The following GOLGA4 variants were observed in gnomAD, a reference collection of about 807,000 sequenced individuals.
The protein encoded by GOLGA4 is golgin subfamily A member 4.
Under a neutral mutation model 265.9 loss-of-function variants are expected in GOLGA4, and 169 were observed. The observed-to-expected ratio is 0.64, with a 90% CI of 0.56 to 0.72. The LOEUF (loss-of-function observed/expected upper bound fraction) is 0.72, where lower values mean the gene tolerates loss of function less well. Ranked by LOEUF, GOLGA4 falls within the 30% of genes least tolerant of loss-of-function variation. GOLGA4 has a pLI of 0.00. For missense variants in GOLGA4, 2,482 were observed against 2,483.4 expected (o/e 1.00, Z 0.01); for synonymous variants, 923 against 855.8 (o/e 1.08, Z -1.37).
intron 4 of GOLGA4, among the ~76,000 whole-genome samples, chr3:37,288,938 A>G (rs1200585541): frequency 6.6e-6 from 1 of 152,232 alleles, no homozygotes; most frequent in African/African-American, 2.4e-5. Flanking sequence ...TTTAAATTGA[A>G]CAGACAGTAA....
At chr3:37,246,577 G>A (rs2096720302) in intron 1 of GOLGA4, among the ~76,000 whole-genome samples, 1 of 152,126 alleles carries the variant, frequency 6.6e-6, no homozygotes, top group South Asian at 2.1e-4. Flanking sequence ...AATTCTTAGA[G>A]ACAAAATAGA....
At chr3:37,304,049 A>G (rs946456495) in intron 10 of GOLGA4, among the ~76,000 whole-genome samples, 1 of 152,224 alleles carries the variant, frequency 6.6e-6, no homozygotes, top group Non-Finnish European at 1.5e-5. Context: ...GCTCTTAACC[A>G]TATAGAGGTC....
At chr3:37,363,781 T>G (rs1296173472) in intron 23 of GOLGA4, among the ~76,000 whole-genome samples, 3 of 152,208 alleles carry the variant, frequency 2.0e-5, no homozygotes, top group Non-Finnish European at 1.5e-5. Flanking sequence ...TCTCCCATAA[T>G]TTTTTAGAAT....
intron 7 of GOLGA4, 48 bp downstream of exon 7, chr3:37,296,267 C>G (rs773195215): frequency 1.9e-6 from 3 of 1,588,770 alleles, no homozygotes; most frequent in South Asian, 1.1e-5. Context: ...AGAGGAGAGC[C>G]AGGCTCCTTG....
At chr3:37,292,376 C>T (rs765405141) in intron 5 of GOLGA4, among the ~76,000 whole-genome samples, 8 of 152,078 alleles carry the variant, frequency 5.3e-5, no homozygotes, top group Non-Finnish European at 7.4e-5. Context: ...TCTTTTATTG[C>T]CATTATTTCA....
At chr3:37,299,042 G>A (rs374703524) in intron 8 of GOLGA4, 22 bp downstream of exon 8, 10 of 1,550,008 alleles carry the variant, frequency 6.5e-6, no homozygotes, top group African/African-American at 1.4e-5. Flanking sequence ...GATGAGTTTT[G>A]TTCTAATTTA....
At position 37,355,169 on chromosome 3, in the gene GOLGA4, A is replaced by G. The variant is rs1312996824; in HGVS notation, c.6645A>G (p.Arg2215=). Residue 2215 remains arginine (R), a synonymous_variant, in exon 22 of 24, where the codon AGA becomes AGG. Coordinates refer to ENST00000361924, the MANE Select transcript of GOLGA4 (RefSeq NM_002078.5). ...ATCAGACTCAGAAAATTTTGGAAAG[A>G]GAAGATGCTCGGCTGATGGTAAGTT... is the stretch of plus-strand genomic sequence containing the variant. ...PDDQTQKILE[R]EDARLMFTSP... 2.5e-6 allele frequency: 4 copies of G among 1,593,818 alleles called. No homozygotes were observed.
Position 37,327,296 on chromosome 3 carries a change from A to G in GOLGA4, c.5410A>G (p.Lys1804Glu). ...IGHLQEELEE[K>E]NKKYSLIVAQ... ...TCATCTTCAAGAGGAGCTTGAAGAA[A>G]AAAACAAGAAATATTCCTTGATAGT... The change falls in exon 14 of 24, where the codon AAA becomes GAA. Residue 1804 changes from lysine (K) to glutamate (E), a missense_variant. Physicochemically the swap from Lys to Glu is moderately conservative, Grantham distance 56. Around this residue, in one of 3 missense-constraint regions of GOLGA4, gnomAD observed 942 missense variants for 983.1 expected, o/e 0.96. Coordinates refer to ENST00000361924, the MANE Select transcript of GOLGA4 (RefSeq NM_002078.5). The G allele has an allele frequency of 6.2e-7, 1 of 1,613,772 alleles. No individual in the cohort carries two copies. Among genetic ancestry groups the G allele is most frequent in the Non-Finnish European group, 8.5e-7 (1 of 1,179,788 alleles).
intron 21 of GOLGA4, 39 bp from the exon 22 acceptor site, chr3:37,355,062 T>A: frequency 2.6e-6 from 3 of 1,146,568 alleles, no homozygotes; most frequent in Non-Finnish European, 4.0e-6. Context: ...TTTATATGCT[T>A]CACTGTCTGT....
At position 37,366,233 on chromosome 3, in the gene GOLGA4, G is replaced by T. The variant is rs926452437; in HGVS notation, c.*187G>T. ...GAAAAATCTGGCCCACAGATAAGTT[G>T]CAGACTGCCTTTAAAATAGATTTTA... On this transcript the variant is annotated 3_prime_UTR_variant, in exon 24 of 24. Transcript: ENST00000361924. 1.7e-6 allele frequency: 1 copy of T among 583,226 alleles called. No homozygotes were observed. The allele number at this position is 583,226 out of a possible 1,614,324, so 36.1% of individuals were successfully genotyped here.
At chr3:37,359,120 C>G (rs2097097971) in intron 22 of GOLGA4, among the ~76,000 whole-genome samples, 1 of 152,020 alleles carries the variant, frequency 6.6e-6, no homozygotes, top group Non-Finnish European at 1.5e-5. Flanking sequence ...GCTTTTTTTC[C>G]CTCCTCTCAA....
chr3:37,258,732 A>G (rs2096761392), intron 2 of GOLGA4, among the ~76,000 whole-genome samples: 2 of 152,212 alleles, frequency 1.3e-5, no homozygotes, highest in Non-Finnish European at 2.9e-5. Flanking sequence ...AGTATCTTCA[A>G]AGTAATACAT....
intron 2 of GOLGA4, among the ~76,000 whole-genome samples, chr3:37,257,894 C>CATAT (rs373437728): frequency 1.2e-4 from 13 of 104,904 alleles, no homozygotes; most frequent in South Asian, 8.1e-4. Context: ...CATATATATA[C>CATAT]ATATATATAT....
Position 37,361,242 on chromosome 3 carries a change from GT to G in GOLGA4, c.6666del (p.Phe2222LeufsTer11), listed in dbSNP as rs1559478183. The G allele has an allele frequency of 6.2e-7, 1 of 1,611,598 alleles. No homozygotes were observed. The highest frequency in any genetic ancestry group is 1.1e-5 in the South Asian group (1 of 90,998). The part of the protein sequence containing the change: ...ILEREDARLM[F>X]TSPRSGIF ...AGCTTTTTTTCTTCCTGGCTTTGTA[GT>G]TTACTTCACCTCGCAGTGGTATCTT... On this transcript the variant is annotated frameshift_variant and splice_region_variant, in exon 23 of 24. Coordinates refer to ENST00000361924, the MANE Select transcript of GOLGA4 (RefSeq NM_002078.5). LOFTEE classifies it high-confidence loss of function.
At position 37,302,319 on chromosome 3, in the gene GOLGA4, G is replaced by A. The variant is rs2096895247; in HGVS notation, c.1221G>A (p.Lys407=). 1 of 1,613,512 alleles carries A rather than the reference G, an allele frequency of 6.2e-7. No homozygotes were observed. Among genetic ancestry groups the A allele is most frequent in the Non-Finnish European group, 8.5e-7 (1 of 1,179,638 alleles). ...QGEELREQKE[K]SERAAFEELE... is the part of the protein sequence containing the mutation. Reference sequence around the variant, plus strand: ...AGGAATTACGGGAACAGAAAGAAAAGTCCGAAAGAGCTGGTAAGAACTTGA... The same window carrying A: ...AGGAATTACGGGAACAGAAAGAAAAATCCGAAAGAGCTGGTAAGAACTTGA... Residue 407 remains lysine (K), a synonymous_variant, in exon 10 of 24, where the codon AAG becomes AAA. Coordinates refer to ENST00000361924, the MANE Select transcript of GOLGA4 (RefSeq NM_002078.5).
At position 37,325,538 on chromosome 3, in the gene GOLGA4, G is replaced by T; in HGVS notation, c.3652G>T (p.Asp1218Tyr). Reference protein sequence around the residue: ...KLSEELAIQLDICCKKTEALL... With the variant: ...KLSEELAIQLYICCKKTEALL... ...GTCTGAGGAACTAGCGATTCAGCTA[G>T]ATATTTGCTGTAAGAAAACCGAAGC... is the stretch of plus-strand genomic sequence containing the variant. The change falls in exon 14 of 24, where the codon GAT (aspartate) becomes TAT (tyrosine). Residue 1218 changes from aspartate to tyrosine, a missense_variant. By Grantham distance (160) the Asp-to-Tyr change is radical (BLOSUM62 -3). Coordinates refer to ENST00000361924, the MANE Select transcript of GOLGA4 (RefSeq NM_002078.5). 1.2e-6 allele frequency: 2 copies of T among 1,613,878 alleles called. No individual in the cohort carries two copies. The highest frequency in any genetic ancestry group is 1.7e-6 in the Non-Finnish European group (2 of 1,179,834).
chr3:37,355,138 C>G lies in GOLGA4; in HGVS notation c.6614C>G (p.Pro2205Arg), dbSNP rs2097087072. ...AKVITTVLKF[P>R]DDQTQKILER... Reference sequence around the variant, plus strand: ...GTTATAACCACCGTACTGAAGTTCCCTGATGATCAGACTCAGAAAATTTTG... The same window carrying G: ...GTTATAACCACCGTACTGAAGTTCCGTGATGATCAGACTCAGAAAATTTTG... Residue 2205 changes from proline to arginine, a missense_variant, in exon 22 of 24, where the codon CCT (proline) becomes CGT (arginine). Physicochemically the swap from Pro to Arg is moderately radical, Grantham distance 103. Transcript: ENST00000361924. The G allele has an allele frequency of 6.2e-7, 1 of 1,609,176 alleles. No homozygotes were observed. The highest frequency in any genetic ancestry group is 1.1e-5 in the South Asian group (1 of 90,962).
At chr3:37,291,519 G>A (rs2096864695) in intron 5 of GOLGA4, among the ~76,000 whole-genome samples, 1 of 152,214 alleles carries the variant, frequency 6.6e-6, no homozygotes, top group Admixed American at 6.5e-5. Flanking sequence ...TTAGCTAGCA[G>A]GCCCCAGCCT....
At chr3:37,301,955 A>T (rs1236660343) in intron 9 of GOLGA4, among the ~76,000 whole-genome samples, 2 of 151,938 alleles carry the variant, frequency 1.3e-5, no homozygotes, top group Non-Finnish European at 2.9e-5. Context: ...TGCCTGGCTA[A>T]TTTTTGTATT....
Sources: gnomAD v4.1 joint callset for allele counts (sites outside exome capture counted in the v4.1 genomes callset) on GRCh38, gnomAD v4.1.1 for gene constraint, gnomAD v4.1.1 regional missense constraint, MANE v1.5 for transcripts, NCBI Gene and HGNC (gene_info 2026-07-23, HGNC 2026-07-21) for gene names.